FAM227B: variants seen among roughly 807,000 people sequenced by gnomAD.
FAM227B encodes the protein protein FAM227B.
FAM227B carries 88 observed loss-of-function variants against 73.8 expected under a neutral mutation model. The observed-to-expected ratio is 1.19, with a 90% CI of 1.00 to 1.42. The LOEUF is 1.42. Ranked by LOEUF, FAM227B falls within the 40% of genes most tolerant of loss-of-function variation. FAM227B has a pLI of 0.00. For missense variants in FAM227B, 632 were observed against 590.9 expected (o/e 1.07, Z -0.72); for synonymous variants, 210 against 190.5 (o/e 1.10, Z -0.84).
At chr15:49,410,278 G>A (rs918940542) in intron 11 of FAM227B, among the ~76,000 whole-genome samples, 7 of 152,108 alleles carry the variant, frequency 4.6e-5, no homozygotes, top group African/African-American at 7.2e-5. Context: ...TATTTCAAAT[G>A]CAGAATGTCT....
At chr15:49,355,510 T>C (rs376270242) in intron 13 of FAM227B, among the ~76,000 whole-genome samples, 1 of 151,702 alleles carries the variant, frequency 6.6e-6, no homozygotes, top group South Asian at 2.1e-4. Flanking sequence ...ATGAAATGAA[T>C]GAAATGAAGC....
At chr15:49,620,611 T>TA (rs2153348838) in intron 1 of FAM227B, 89 bp downstream of exon 1, 1 of 152,342 alleles carries the variant, frequency 6.6e-6, no homozygotes, top group East Asian at 1.9e-4. Context: ...CACGAAAGAC[T>TA]AATGTAACCA....
chr15:49,486,022 T>A (rs908847850), intron 11 of FAM227B: 3 of 152,012 alleles, frequency 2.0e-5, no homozygotes, highest in Admixed American at 2.0e-4. Flanking sequence ...ATTACAAGGA[T>A]GAATTTCCAC....
At chr15:49,534,552 T>C (rs752743366) in intron 10 of FAM227B, among the ~76,000 whole-genome samples, 5 of 104,032 alleles carry the variant, frequency 4.8e-5, no homozygotes, top group Non-Finnish European at 1.1e-4. Flanking sequence ...CTTTCAACAC[T>C]GGATAAATTA....
intron 11 of FAM227B, chr15:49,487,301 AAATACATGAGTTTCTAAC>A (rs1355403459): frequency 6.6e-6 from 1 of 151,980 alleles, no homozygotes; most frequent in Non-Finnish European, 1.5e-5. Context: ...AGATAAAATT[AAATACATGAGTTTCTAAC>A]AATTAGAAAA....
intron 11 of FAM227B, among the ~76,000 whole-genome samples, chr15:49,391,328 G>A (rs1439638241): frequency 6.6e-6 from 1 of 152,198 alleles, no homozygotes; most frequent in East Asian, 1.9e-4. Context: ...TGAAAATAAG[G>A]GAAAAGGCTT....
chr15:49,455,737 A>G (rs1051311157), intron 11 of FAM227B, among the ~76,000 whole-genome samples: 1 of 152,202 alleles, frequency 6.6e-6, no homozygotes, highest in Non-Finnish European at 1.5e-5. Flanking sequence ...TTTCTTGCTT[A>G]AAGTGGAGAA....
chr15:49,584,538 T>G (rs1314387365), intron 5 of FAM227B, among the ~76,000 whole-genome samples: 1 of 152,070 alleles, frequency 6.6e-6, no homozygotes, highest in African/African-American at 2.4e-5. Flanking sequence ...GAGAAAGAAA[T>G]AAAGGGCATC....
At chr15:49,541,246 T>TAC (rs954929972) in intron 10 of FAM227B, among the ~76,000 whole-genome samples, 1 of 152,032 alleles carries the variant, frequency 6.6e-6, no homozygotes, top group Admixed American at 6.6e-5. Context: ...CATTTTCACC[T>TAC]ACACACACAC....
intron 10 of FAM227B, among the ~76,000 whole-genome samples, chr15:49,517,636 G>A (rs557674571): frequency 4.2e-4 from 64 of 152,222 alleles, no homozygotes; most frequent in African/African-American, 1.5e-3. Flanking sequence ...AGGCTTTACT[G>A]CAGCTACTAT....
intron 13 of FAM227B, among the ~76,000 whole-genome samples, chr15:49,345,772 C>T (rs571011579): frequency 1.5e-3 from 233 of 152,280 alleles, no homozygotes; most frequent in African/African-American, 5.5e-3. Flanking sequence ...ACTCTGGGGT[C>T]TTTCATCTCC....
intron 11 of FAM227B, among the ~76,000 whole-genome samples, chr15:49,501,429 C>A (rs1277498937): frequency 1.3e-5 from 2 of 152,170 alleles, no homozygotes; most frequent in African/African-American, 4.8e-5. Context: ...TGTTTCCCTG[C>A]CCTAGGGATC....
chr15:49,520,262 C>T (rs993867525), intron 10 of FAM227B, among the ~76,000 whole-genome samples: 12 of 152,058 alleles, frequency 7.9e-5, no homozygotes, highest in African/African-American at 1.7e-4. Flanking sequence ...TTCAACAAAT[C>T]TCTAGGAAGT....
chr15:49,444,032 G>A (rs551698713), intron 11 of FAM227B, among the ~76,000 whole-genome samples: 3 of 151,772 alleles, frequency 2.0e-5, no homozygotes, highest in East Asian at 3.9e-4. Context: ...AGAATAGCAG[G>A]TGTAAACTAA....
chr15:49,595,054 A>C (rs1365613256), intron 3 of FAM227B, among the ~76,000 whole-genome samples: 2 of 152,114 alleles, frequency 1.3e-5, no homozygotes, highest in Non-Finnish European at 2.9e-5. Flanking sequence ...ACCCACCATG[A>C]ATATGAGATG....
At chr15:49,504,355 A>G (rs979915457) in intron 11 of FAM227B, among the ~76,000 whole-genome samples, 2 of 151,866 alleles carry the variant, frequency 1.3e-5, no homozygotes, top group East Asian at 1.9e-4. Flanking sequence ...CAGCACACCA[A>G]CATGGCACAT....
chr15:49,402,596 G>T (rs956357901), intron 11 of FAM227B, among the ~76,000 whole-genome samples: 17 of 152,120 alleles, frequency 1.1e-4, no homozygotes, highest in African/African-American at 4.1e-4. Context: ...CCTATTGTTT[G>T]TATATAGGAA....
intron 13 of FAM227B, among the ~76,000 whole-genome samples, chr15:49,354,988 C>T (rs936613334): frequency 5.3e-5 from 8 of 151,826 alleles, no homozygotes; most frequent in African/African-American, 1.9e-4. Flanking sequence ...ACACTGACAC[C>T]TCACACGGCA....
chr15:49,499,662 A>G (rs1165974126), intron 11 of FAM227B, among the ~76,000 whole-genome samples: 2 of 152,222 alleles, frequency 1.3e-5, no homozygotes, highest in East Asian at 1.9e-4. Flanking sequence ...ATAAAACTAC[A>G]GTTTTAAAGG....
Sources: gnomAD v4.1 joint callset for allele counts (sites outside exome capture counted in the v4.1 genomes callset) on GRCh38, gnomAD v4.1.1 for gene constraint, MANE v1.5 for transcripts, NCBI Gene and HGNC (gene_info 2026-07-23, HGNC 2026-07-21) for gene names.